Variants in TRDN observed in about 807,000 individuals in gnomAD.
TRDN encodes the protein triadin in skeletal muscle.
TRDN carries 161 observed loss-of-function variants against 149.7 expected under a neutral mutation model. The ratio of observed to expected loss-of-function variants is 1.08; its 90% CI spans 0.95 to 1.23. The LOEUF is 1.23. Ranked by LOEUF, TRDN falls within the 50% of genes most tolerant of loss-of-function variation. The pLI, the probability that TRDN is intolerant of heterozygous loss-of-function variation, is 0.00. For synonymous variants in TRDN, 294 were observed against 250.5 expected, an observed-to-expected ratio of 1.17 and a Z score of -1.64; for missense variants, 896 against 823.5, an observed-to-expected ratio of 1.09 and a Z score of -1.08.
intron 2 of TRDN, among the ~76,000 whole-genome samples, chr6:123,551,856 T>G (rs1364271438): frequency 6.6e-6 from 1 of 152,068 alleles, no homozygotes; most frequent in Non-Finnish European, 1.5e-5. Flanking sequence ...CACAATTGAT[T>G]CTAAGGTCTC....
chr6:123,448,904 C>T (rs1775573982), intron 10 of TRDN, among the ~76,000 whole-genome samples: 1 of 152,148 alleles, frequency 6.6e-6, no homozygotes, highest in Non-Finnish European at 1.5e-5. Context: ...GGACTCTGTG[C>T]AGACAACCCC....
At chr6:123,525,801 A>G (rs1190124400) in intron 5 of TRDN, among the ~76,000 whole-genome samples, 1 of 152,036 alleles carries the variant, frequency 6.6e-6, no homozygotes, top group South Asian at 2.1e-4. Flanking sequence ...TGGGGCCTTT[A>G]AGTAATCCTT....
intron 38 of TRDN, among the ~76,000 whole-genome samples, chr6:123,235,563 T>C (rs1338637491): frequency 6.6e-6 from 1 of 152,088 alleles, no homozygotes; most frequent in African/African-American, 2.4e-5. Flanking sequence ...TTTTTTAAGG[T>C]TTATTTTTTA....
At chr6:123,374,648 A>C (rs1781438489) in intron 19 of TRDN, among the ~76,000 whole-genome samples, 1 of 151,974 alleles carries the variant, frequency 6.6e-6, no homozygotes, top group Non-Finnish European at 1.5e-5. Context: ...CTACTGACAT[A>C]ATATGTCTCA....
intron 31 of TRDN, among the ~76,000 whole-genome samples, 199 bp downstream of exon 31, chr6:123,269,650 A>T (rs534480759): frequency 6.6e-6 from 1 of 152,122 alleles, no homozygotes; most frequent in East Asian, 1.9e-4. Flanking sequence ...TGATTTAACA[A>T]GAATGTTAAA....
chr6:123,502,461 A>G (rs1778740307), intron 8 of TRDN: 6 of 706,576 alleles, frequency 8.5e-6, no homozygotes, highest in Non-Finnish European at 1.0e-5. Context: ...TTTGTAGATC[A>G]CTAAAAAAAG....
In TRDN at chr6:123,512,323, T is replaced by C; in HGVS notation, c.590A>G (p.Glu197Gly). The C allele has an allele frequency of 6.7e-7, 1 of 1,502,790 alleles. No individual in the cohort carries two copies. Among genetic ancestry groups the C allele is most frequent in the Non-Finnish European group, 9.1e-7 (1 of 1,094,380 alleles). The allele number at this position is 1,502,790 out of a possible 1,614,324, so 93.1% of individuals were successfully genotyped here. Residue 197 changes from glutamate (E) to glycine (G), a missense_variant, in exon 7 of 41, where the codon GAA becomes GGA. By Grantham distance (98) the Glu-to-Gly change is moderately conservative (BLOSUM62 -2). Transcript: ENST00000334268. ...KEKIEKKEKP[E>G]TKTLAKEQKK... ...GTTACCTTTCGCCAGTGTCTTTGTTTCTGGTTTTTCTTTTTTCTCAATTTT... is the reference window on the plus strand; with the variant it reads ...GTTACCTTTCGCCAGTGTCTTTGTTCCTGGTTTTTCTTTTTTCTCAATTTT...
At chr6:123,255,628 A>G (rs1216308938) in intron 36 of TRDN, among the ~76,000 whole-genome samples, 2 of 152,186 alleles carry the variant, frequency 1.3e-5, no homozygotes, top group African/African-American at 2.4e-5. Flanking sequence ...TCAATGGCAG[A>G]ACAAACTGAT....
chr6:123,349,345 T>C (rs1780366393), intron 21 of TRDN: 2 of 168,282 alleles, frequency 1.2e-5, no homozygotes, highest in African/African-American at 4.8e-5. Context: ...ATATAGACCA[T>C]CTTCTCTCCG....
At chr6:123,528,800 C>A in intron 5 of TRDN, 1 of 996,996 alleles carries the variant, frequency 1.0e-6, no homozygotes, top group Non-Finnish European at 1.2e-6. Context: ...CATATTCACA[C>A]AGAAAAACTG....
chr6:123,218,634 T>G lies in TRDN; in HGVS notation c.2157A>C (p.Ala719=), dbSNP rs1454061490. 1 of 1,611,788 alleles carries G rather than the reference T, an allele frequency of 6.2e-7. No homozygotes were observed. Among genetic ancestry groups the G allele is most frequent in the Admixed American group, 1.7e-5 (1 of 59,796 alleles). ...CTTGTTGCTTCTGTCCTGGAGAATT[T>G]GCTTGACCAGAGCTCTCTCCAGGGC... The part of the protein sequence containing the change: ...ADRPGESSGQ[A]NSPGQKQQGQ The change falls in exon 41 of 41, where the codon GCA becomes GCC. Residue 719 remains alanine, a synonymous_variant. Transcript: ENST00000334268.
rs1310743714 is a variant in TRDN at position 123,352,548 on chromosome 6, C to T, written c.1360G>A (p.Val454Met). 6.2e-7 allele frequency: 1 copy of T among 1,610,764 alleles called. No individual in the cohort carries two copies. Among genetic ancestry groups the T allele is most frequent in the East Asian group, 2.2e-5 (1 of 44,736 alleles). The change falls in exon 21 of 41, where the codon GTG becomes ATG. Residue 454 changes from valine (V) to methionine (M), a missense_variant. Transcript: ENST00000334268. ...GKKEEKTTKT[V>M]EQEIRKEKSG... Reference sequence around the variant, plus strand: ...CTTCATTTTTTTTTACCTTGCTCCACTGTCTTGGTTGTTTTCTCTTCCTTC... The same window carrying T: ...CTTCATTTTTTTTTACCTTGCTCCATTGTCTTGGTTGTTTTCTCTTCCTTC...
intron 4 of TRDN, among the ~76,000 whole-genome samples, chr6:123,530,883 C>T (rs539054677): frequency 6.6e-6 from 1 of 152,018 alleles, no homozygotes; most frequent in Non-Finnish European, 1.5e-5. Context: ...ATTTCAATTA[C>T]TCTCAATACA....
intron 7 of TRDN, among the ~76,000 whole-genome samples, chr6:123,511,222 T>C (rs994837727): frequency 1.3e-5 from 2 of 152,148 alleles, no homozygotes; most frequent in African/African-American, 2.4e-5. Flanking sequence ...TAAAATTTAT[T>C]GAAGAGACTG....
Position 123,439,049 on chromosome 6 carries a change from A to C in TRDN, c.932-46T>G, listed in dbSNP as rs754722238. On this transcript the variant is annotated intron_variant, in intron 10 of 40. Coordinates refer to ENST00000334268, the MANE Select transcript of TRDN (RefSeq NM_006073.4). ...ATTTCCTTTAGGGAAATTTAGTATG[A>C]AAGCAAAACCAAGGTTGAAATGAAG... The C allele has an allele frequency of 7.6e-6, 11 of 1,449,182 alleles. No homozygotes were observed. In the African/African-American group the frequency reaches 1.6e-4, roughly 21 times the overall value. The allele number at this position is 1,449,182 out of a possible 1,614,324, so 89.8% of individuals were successfully genotyped here. A position where few individuals can be genotyped will look rare whatever the true frequency, so the allele number is the denominator to read the frequency against.
At chr6:123,586,055 A>G (rs1358644063) in intron 1 of TRDN, among the ~76,000 whole-genome samples, 1 of 152,098 alleles carries the variant, frequency 6.6e-6, no homozygotes, top group Non-Finnish European at 1.5e-5. Flanking sequence ...AAAGTGTCTC[A>G]GGGTTGCTGC....
At chr6:123,405,703 T>G (rs929217337) in intron 12 of TRDN, among the ~76,000 whole-genome samples, 1 of 152,158 alleles carries the variant, frequency 6.6e-6, no homozygotes, top group Non-Finnish European at 1.5e-5. Flanking sequence ...AGGCTCACAT[T>G]ATGATGTAAA....
In TRDN at chr6:123,516,831, C is replaced by A. The variant is rs376571994; in HGVS notation, c.485-625G>T. Among the ~76,000 whole-genome samples, 7 of 152,090 alleles carry A rather than the reference C, an allele frequency of 4.6e-5. No individual in the cohort carries two copies. In the East Asian group the frequency reaches 1.4e-3, roughly 29 times the overall value. On this transcript the variant is annotated intron_variant, in intron 5 of 40. Coordinates refer to ENST00000334268, the MANE Select transcript of TRDN (RefSeq NM_006073.4). ...TTAGTCATAATTCTTATTCATTATC[C>A]ATGCTAGAAACATGAGACTCATCCC...
intron 2 of TRDN, among the ~76,000 whole-genome samples, chr6:123,563,196 C>G (rs1782093398): frequency 6.6e-6 from 1 of 152,176 alleles, no homozygotes; most frequent in African/African-American, 2.4e-5. Flanking sequence ...TTACTGAATG[C>G]AAATAGATGT....
Sources: gnomAD v4.1 joint callset for allele counts (sites outside exome capture counted in the v4.1 genomes callset) on GRCh38, gnomAD v4.1.1 for gene constraint, MANE v1.5 for transcripts, NCBI Gene and HGNC (gene_info 2026-07-23, HGNC 2026-07-21) for gene names.